SLC9C1: variants seen among roughly 807,000 people sequenced by gnomAD.
SLC9C1 encodes the protein solute carrier family 9 member C1.
SLC9C1 carries 97 observed loss-of-function variants against 140.9 expected under a neutral mutation model. The observed-to-expected ratio is 0.69, with a 90% CI of 0.58 to 0.82. The LOEUF (loss-of-function observed/expected upper bound fraction) is 0.82, where lower values mean the gene tolerates loss of function less well. SLC9C1 is among the 40% of genes least tolerant of loss of function. The probability of loss-of-function intolerance (pLI) is 0.00; values close to 1 mark genes in which losing one functional copy is unlikely to be tolerated. For missense variants in SLC9C1, 1,340 were observed against 1,389.3 expected (o/e 0.96, Z 0.56); for synonymous variants, 440 against 442.6 (o/e 0.99, Z 0.07).
chr3:112,152,511 G>A (rs182019813), intron 27 of SLC9C1, among the ~76,000 whole-genome samples: 27 of 151,616 alleles, frequency 1.8e-4, no homozygotes, highest in Admixed American at 1.5e-3. Context: ...GGAGACAGAT[G>A]CCTTCCTCTG....
chr3:112,159,673 C>A (rs1271589729), intron 26 of SLC9C1, among the ~76,000 whole-genome samples: 1 of 152,024 alleles, frequency 6.6e-6, no homozygotes, highest in Non-Finnish European at 1.5e-5. Flanking sequence ...TCCCCTACTA[C>A]TATTTTATTG....
At chr3:112,228,796 A>T (rs2078746486) in intron 13 of SLC9C1, among the ~76,000 whole-genome samples, 1 of 152,094 alleles carries the variant, frequency 6.6e-6, no homozygotes, top group Non-Finnish European at 1.5e-5. Flanking sequence ...TAACATCACT[A>T]GTGAATAGGG....
chr3:112,191,449 T>A (rs1027562008), intron 20 of SLC9C1, among the ~76,000 whole-genome samples: 11 of 152,082 alleles, frequency 7.2e-5, no homozygotes, highest in African/African-American at 2.7e-4. Context: ...ATTGGGAAAA[T>A]CATATTATTT....
intron 16 of SLC9C1, among the ~76,000 whole-genome samples, chr3:112,206,445 A>G (rs1000939223): frequency 5.3e-5 from 8 of 152,134 alleles, no homozygotes; most frequent in Non-Finnish European, 1.0e-4. Flanking sequence ...CAATTCCTCA[A>G]GGATCTAGAA....
intron 13 of SLC9C1, 96 bp downstream of exon 13, chr3:112,231,264 TC>T (rs1433357865): frequency 1.4e-6 from 2 of 1,434,050 alleles, no homozygotes; most frequent in Admixed American, 4.3e-5. Context: ...TTGTAAACAA[TC>T]TATTAAGTGA....
intron 20 of SLC9C1, among the ~76,000 whole-genome samples, chr3:112,188,326 G>C (rs2077578904): frequency 1.3e-5 from 2 of 151,992 alleles, no homozygotes; most frequent in Non-Finnish European, 1.5e-5. Context: ...GTGTTGGTTT[G>C]CTGCACCCAT....
intron 14 of SLC9C1, 123 bp from the exon 15 acceptor site, chr3:112,217,684 C>A (rs1178724452): frequency 3.4e-5 from 28 of 812,876 alleles, no homozygotes; most frequent in Non-Finnish European, 4.9e-5. Context: ...CTATTTTGTG[C>A]CATGATGGTT....
chr3:112,281,163 A>G (rs1224366932), intron 2 of SLC9C1, among the ~76,000 whole-genome samples: 1 of 152,248 alleles, frequency 6.6e-6, no homozygotes, highest in Non-Finnish European at 1.5e-5. Context: ...TGGTTCAGGA[A>G]CAATGAGAAA....
chr3:112,269,558 C>G (rs1414314616), intron 7 of SLC9C1, among the ~76,000 whole-genome samples: 2 of 152,110 alleles, frequency 1.3e-5, no homozygotes, highest in Non-Finnish European at 2.9e-5. Flanking sequence ...GGAGGTAAAA[C>G]TCTATATATC....
rs767618335 is a variant in SLC9C1, at chr3:112,263,074, G to T, written c.1047C>A (p.Ser349Arg). The T allele has an allele frequency of 3.2e-6, 5 of 1,576,238 alleles. No homozygotes were observed. The highest frequency in any genetic ancestry group is 2.0e-5 in the Admixed American group (1 of 50,208). The change falls in exon 10 of 29, where the codon AGC (serine) becomes AGA (arginine). Residue 349 changes from serine (S) to arginine (R), a missense_variant. Ser to Arg is a moderately radical substitution (Grantham distance 110). Coordinates refer to ENST00000305815, the MANE Select transcript of SLC9C1 (RefSeq NM_183061.3). ...CATGACCAACTCGAGACAAAACAGGGCTTATTAAAAGAAGGGTCAGAAATC... is the reference window on the plus strand; with the variant it reads ...CATGACCAACTCGAGACAAAACAGGTCTTATTAAAAGAAGGGTCAGAAATC... Reference protein sequence around the residue: ...VLRFLTLLLISPVLSRVGHEF... With the variant: ...VLRFLTLLLIRPVLSRVGHEF...
intron 15 of SLC9C1, among the ~76,000 whole-genome samples, chr3:112,213,278 C>A (rs2078259617): frequency 6.6e-6 from 1 of 152,156 alleles, no homozygotes; most frequent in Non-Finnish European, 1.5e-5. Context: ...ACCATCTATG[C>A]TAGGAAGAAA....
chr3:112,198,649 A>C (rs185865534), intron 20 of SLC9C1, among the ~76,000 whole-genome samples: 1 of 152,010 alleles, frequency 6.6e-6, no homozygotes, highest in Non-Finnish European at 1.5e-5. Context: ...AAATTTTATC[A>C]AATAGTTTTT....
chr3:112,260,447 C>T (rs778407417), intron 10 of SLC9C1, among the ~76,000 whole-genome samples: 1 of 151,056 alleles, frequency 6.6e-6, no homozygotes, highest in Non-Finnish European at 1.5e-5. Context: ...ATAATTTTTT[C>T]CCTTAGTAAT....
At chr3:112,158,413 T>TG (rs2075188078) in intron 26 of SLC9C1, among the ~76,000 whole-genome samples, 1 of 151,988 alleles carries the variant, frequency 6.6e-6, no homozygotes, top group East Asian at 1.9e-4. Context: ...TTGTTGAATT[T>TG]GGTTTGCTAG....
chr3:112,236,915 G>A (rs1257668706), intron 12 of SLC9C1, among the ~76,000 whole-genome samples: 1 of 152,232 alleles, frequency 6.6e-6, no homozygotes, highest in Non-Finnish European at 1.5e-5. Context: ...TAAGTGCAGT[G>A]TGGTGCTGAG....
intron 16 of SLC9C1, among the ~76,000 whole-genome samples, chr3:112,204,759 C>G (rs981277540): frequency 1.3e-5 from 2 of 152,030 alleles, no homozygotes; most frequent in Middle Eastern, 3.4e-3. Context: ...CCATAAAAAT[C>G]CTGGGGGTTG....
chr3:112,183,344 C>CTTTTTTTTTTTTTTTTTT (rs1159788975), intron 20 of SLC9C1, among the ~76,000 whole-genome samples: 56 of 20,928 alleles, frequency 2.7e-3, no homozygotes, highest in South Asian at 4.2e-3. Context: ...TATTTAGCAC[C>CTTTTTTTTTTTTTTTTTT]TTTTCTTTTT....
rs2079854142 is a variant in SLC9C1 at position 112,264,200 on chromosome 3, C to A, written c.1022G>T (p.Arg341Ile). 1.7e-6 allele frequency: 2 copies of A among 1,155,386 alleles called. No individual in the cohort carries two copies. Among genetic ancestry groups the A allele is most frequent in the Non-Finnish European group, 2.3e-6 (2 of 880,150 alleles). The allele number at this position is 1,155,386 out of a possible 1,614,324, so 71.6% of individuals were successfully genotyped here. A position where few individuals can be genotyped will look rare whatever the true frequency, so the allele number is the denominator to read the frequency against. The change falls in exon 9 of 29, where the codon AGA becomes ATA. Residue 341 changes from arginine (R) to isoleucine (I), a missense_variant and splice_region_variant. Arg to Ile is a moderately conservative substitution (Grantham distance 97). Coordinates refer to ENST00000305815, the MANE Select transcript of SLC9C1 (RefSeq NM_183061.3). ...LNIYLTLIVL[R>I]FLTLLLISPV... ...AGAAAAATTTTAATGATGTTCTTAC[C>A]TTAAAACAATCAATGTTAAGTAGAT...
At chr3:112,206,837 C>G (rs1255004694) in intron 16 of SLC9C1, among the ~76,000 whole-genome samples, 1 of 115,568 alleles carries the variant, frequency 8.7e-6, no homozygotes, top group Non-Finnish European at 1.8e-5. Context: ...ACACCGGATC[C>G]TGTCGTGGGG....
Sources: gnomAD v4.1 joint callset for allele counts (sites outside exome capture counted in the v4.1 genomes callset) on GRCh38, gnomAD v4.1.1 for gene constraint, MANE v1.5 for transcripts, NCBI Gene and HGNC (gene_info 2026-07-23, HGNC 2026-07-21) for gene names.